SORCS1: variants seen among roughly 807,000 people sequenced by gnomAD.
The protein encoded by SORCS1 is VPS10 domain-containing receptor SorCS1.
SORCS1 carries 60 observed loss-of-function variants against 146.1 expected under a neutral mutation model. The ratio of observed to expected loss-of-function variants is 0.41; its 90% CI spans 0.33 to 0.51. SORCS1 has a LOEUF of 0.51. Among genes scored for constraint, SORCS1 ranks in the 20% least tolerant of loss-of-function variants. The pLI, the probability that SORCS1 is intolerant of heterozygous loss-of-function variation, is 0.21. For missense variants in SORCS1, 1,352 were observed against 1,487.6 expected (o/e 0.91, Z 1.50); for synonymous variants, 637 against 584.0 (o/e 1.09, Z -1.31).
At chr10:106,841,793 TTGTC>T (rs1456214617) in intron 2 of SORCS1, among the ~76,000 whole-genome samples, 1 of 152,214 alleles carries the variant, frequency 6.6e-6, no homozygotes, top group African/African-American at 2.4e-5. Flanking sequence ...TAATGTCCCT[TTGTC>T]TGGGTGCACC....
intron 1 of SORCS1, among the ~76,000 whole-genome samples, chr10:107,094,097 G>T (rs1964390888): frequency 6.6e-6 from 1 of 151,982 alleles, no homozygotes; most frequent in African/African-American, 2.4e-5. Flanking sequence ...TAACAGTGAT[G>T]ATCATATAAT....
intron 4 of SORCS1, among the ~76,000 whole-genome samples, chr10:106,769,886 T>C (rs1209707123): frequency 6.6e-6 from 1 of 152,004 alleles, no homozygotes; most frequent in African/African-American, 2.4e-5. Flanking sequence ...AGGCCAGGAG[T>C]TCGAGACCAG....
At chr10:106,902,235 T>C (rs746022596) in intron 2 of SORCS1, among the ~76,000 whole-genome samples, 9 of 152,152 alleles carry the variant, frequency 5.9e-5, no homozygotes, top group Non-Finnish European at 1.0e-4. Flanking sequence ...GACCCTCAAC[T>C]TGACCTAGCA....
At chr10:106,769,865 C>A (rs978083705) in intron 4 of SORCS1, among the ~76,000 whole-genome samples, 1 of 152,048 alleles carries the variant, frequency 6.6e-6, no homozygotes, top group Non-Finnish European at 1.5e-5. Flanking sequence ...GAGGCCGAGG[C>A]GGATCACTTG....
chr10:106,735,448 A>C (rs1187659334), intron 5 of SORCS1, among the ~76,000 whole-genome samples: 1 of 152,236 alleles, frequency 6.6e-6, no homozygotes, highest in Admixed American at 6.5e-5. Flanking sequence ...ATTTGAAGAC[A>C]CAGGAGGAAT....
chr10:106,823,237 T>C (rs1300017065), intron 3 of SORCS1, among the ~76,000 whole-genome samples: 1 of 152,210 alleles, frequency 6.6e-6, no homozygotes, highest in African/African-American at 2.4e-5. Context: ...TGATGTATTA[T>C]ACAATACGCT....
At chr10:107,165,417 C>G (rs1970020900), upstream of SORCS1, among the ~76,000 whole-genome samples, 1 of 152,022 alleles carries the variant, frequency 6.6e-6, no homozygotes, top group Non-Finnish European at 1.5e-5. The surrounding 1 kb of genome is among the most constrained non-coding windows in gnomAD (Gnocchi z 4.0). Flanking sequence ...AATCTTCCTG[C>G]ATGCAATCAT....
chr10:106,903,969 C>T (rs1298071086), intron 2 of SORCS1, among the ~76,000 whole-genome samples: 1 of 152,210 alleles, frequency 6.6e-6, no homozygotes, highest in Non-Finnish European at 1.5e-5. Flanking sequence ...CTTCTTCCCT[C>T]AATCCTCACT....
chr10:106,688,053 C>G, intron 10 of SORCS1, 139 bp downstream of exon 10: 1 of 1,158,054 alleles, frequency 8.6e-7, no homozygotes, highest in South Asian at 1.6e-5. Context: ...GTTTTCTACA[C>G]CCTTTGCCTT....
intron 25 of SORCS1, chr10:106,578,313 G>A (rs1002911786): frequency 2.6e-5 from 4 of 152,008 alleles, no homozygotes; most frequent in South Asian, 2.1e-4. Context: ...TCTATACCTC[G>A]TTGTTGGATT....
chr10:107,011,456 C>T (rs999853683), intron 1 of SORCS1, among the ~76,000 whole-genome samples: 16 of 152,216 alleles, frequency 1.1e-4, no homozygotes, highest in African/African-American at 3.9e-4. Flanking sequence ...AACAATTGCT[C>T]TCCTTCTCTT....
At chr10:106,660,664 C>A (rs1850654593) in intron 17 of SORCS1, among the ~76,000 whole-genome samples, 1 of 151,648 alleles carries the variant, frequency 6.6e-6, no homozygotes, top group Non-Finnish European at 1.5e-5. Context: ...CCATTGGAAT[C>A]TCTTGAATCC....
chr10:107,091,333 G>T (rs1374677256), intron 1 of SORCS1, among the ~76,000 whole-genome samples: 1 of 152,234 alleles, frequency 6.6e-6, no homozygotes, highest in Non-Finnish European at 1.5e-5. Context: ...AGCAAATGCT[G>T]CTGTCCTCTC....
intron 1 of SORCS1, among the ~76,000 whole-genome samples, chr10:107,003,622 T>C (rs957490780): frequency 2.0e-5 from 3 of 152,186 alleles, no homozygotes; most frequent in Non-Finnish European, 4.4e-5. Context: ...TGCACCATCA[T>C]GTCATCATGT....
At chr10:106,579,692 G>C (rs889933825) in intron 24 of SORCS1, among the ~76,000 whole-genome samples, 2 of 150,168 alleles carry the variant, frequency 1.3e-5, no homozygotes, top group Non-Finnish European at 1.5e-5. Context: ...GCAATGAAAA[G>C]CACAGACCCC....
the SORCS1 span, among the ~76,000 whole-genome samples, chr10:107,180,736 T>G: frequency 5.3e-5 from 8 of 152,194 alleles, no homozygotes; most frequent in African/African-American, 1.9e-4. Context: ...ATTTGTGATT[T>G]TTCCTCTTTT....
At chr10:107,101,749 ATGTGTGTGTGTG>A (rs34645920) in intron 1 of SORCS1, among the ~76,000 whole-genome samples, 2 of 147,246 alleles carry the variant, frequency 1.4e-5, no homozygotes, top group Admixed American at 6.8e-5. Context: ...TGGGCTAATT[ATGTGTGTGTGTG>A]TGTGTGTGTG....
intron 9 of SORCS1, among the ~76,000 whole-genome samples, chr10:106,690,213 T>C (rs1209464450): frequency 6.6e-6 from 1 of 152,246 alleles, no homozygotes; most frequent in African/African-American, 2.4e-5. Context: ...GTTTTGTATA[T>C]GTTCAAGAAG....
At chr10:106,804,815 G>A (rs1947082976) in intron 3 of SORCS1, among the ~76,000 whole-genome samples, 1 of 152,048 alleles carries the variant, frequency 6.6e-6, no homozygotes, top group South Asian at 2.1e-4. Context: ...AATTAAAGCA[G>A]GTGGTCCCAA....
Sources: allele counts gnomAD v4.1 joint callset (sites outside exome capture counted in the v4.1 genomes callset), GRCh38; gene constraint gnomAD v4.1.1; non-coding constraint Gnocchi (gnomAD v3.1); transcripts MANE v1.5; gene names NCBI Gene and HGNC (gene_info 2026-07-23, HGNC 2026-07-21).